Variants in CATSPERD observed in about 807,000 individuals in gnomAD.
CATSPERD encodes cation channel sperm-associated auxiliary subunit delta.
Under a neutral mutation model 98.1 loss-of-function variants are expected in CATSPERD, and 86 were observed. The observed-to-expected ratio is 0.88, with a 90% confidence interval of 0.74 to 1.05. CATSPERD has a LOEUF of 1.05. CATSPERD is among the 50% of genes least tolerant of loss of function. CATSPERD has a pLI of 0.00. For missense variants in CATSPERD, 995 were observed against 1,005.7 expected (o/e 0.99, Z 0.14); for synonymous variants, 394 against 390.2 (o/e 1.01, Z -0.12).
At chr19:5,756,954 AAAAT>A (rs1396372461) in intron 13 of CATSPERD, among the ~76,000 whole-genome samples, 1 of 148,628 alleles carries the variant, frequency 6.7e-6, no homozygotes, top group East Asian at 2.0e-4. Flanking sequence ...AAAAAAAATA[AAAAT>A]AAATAAATAG....
chr19:5,760,743 T>G (rs1247182645), intron 15 of CATSPERD, among the ~76,000 whole-genome samples: 1 of 151,894 alleles, frequency 6.6e-6, no homozygotes, highest in Non-Finnish European at 1.5e-5. Flanking sequence ...GATGGAAAAT[T>G]TGGGGCCCGG....
At chr19:5,774,208 C>T (rs886789785) in intron 20 of CATSPERD, among the ~76,000 whole-genome samples, 30 of 151,540 alleles carry the variant, frequency 2.0e-4, no homozygotes, top group Admixed American at 9.2e-4. Context: ...CCTTGTGATC[C>T]GCCCGCCTCG....
chr19:5,761,277 T>C (rs909591388), intron 15 of CATSPERD, among the ~76,000 whole-genome samples: 1 of 152,126 alleles, frequency 6.6e-6, no homozygotes, highest in East Asian at 1.9e-4. Flanking sequence ...AATTTCTGTA[T>C]TTTTACTAGA....
intron 1 of CATSPERD, among the ~76,000 whole-genome samples, chr19:5,722,238 C>T (rs964034981): frequency 6.6e-6 from 1 of 152,140 alleles, no homozygotes; most frequent in Admixed American, 6.6e-5. Flanking sequence ...TCTCCTGCCT[C>T]AGCCTCCAGA....
Position 5,739,443 on chromosome 19 carries a change from T to C in CATSPERD, c.573+4T>C. 1 of 1,422,990 alleles carries C rather than the reference T, an allele frequency of 7.0e-7. No individual in the cohort carries two copies. Among genetic ancestry groups the C allele is most frequent in the Non-Finnish European group, 9.7e-7 (1 of 1,026,846 alleles). 88.1% of individuals were successfully genotyped at this position (1,422,990 alleles called of 1,614,324 possible). On this transcript the variant is annotated splice_donor_region_variant and intron_variant, in intron 7 of 21. Coordinates refer to ENST00000381624, the MANE Select transcript of CATSPERD (RefSeq NM_152784.4). ...GAAGTATCACTATGACAGACAGGTATGTTAAATTTGGTAAGAATGTGAAAA... is the reference window on the plus strand; with the variant it reads ...GAAGTATCACTATGACAGACAGGTACGTTAAATTTGGTAAGAATGTGAAAA...
intron 7 of CATSPERD, among the ~76,000 whole-genome samples, chr19:5,739,650 G>A (rs1208613257): frequency 6.6e-6 from 1 of 151,440 alleles, no homozygotes; most frequent in African/African-American, 2.4e-5. Context: ...TGGGTGACAT[G>A]GCAAGACCCC....
Position 5,749,154 on chromosome 19 carries a change from C to T in CATSPERD, c.958C>T (p.Leu320=), listed in dbSNP as rs781101325. Residue 320 remains leucine (L), a synonymous_variant, in exon 11 of 22, where the codon CTG becomes TTG. Transcript: ENST00000381624. ...GGAGGATAATTTGTATTATGGCAAT[C>T]TGGGCATCGTGCCAAGTTCCATAAT... is the stretch of plus-strand genomic sequence containing the variant. ...TREDNLYYGN[L]GIVPSSIIKF... The T allele has an allele frequency of 1.2e-6, 2 of 1,612,746 alleles. No homozygotes were observed. Among genetic ancestry groups the T allele is most frequent in the East Asian group, 4.5e-5 (2 of 44,792 alleles).
In CATSPERD at chr19:5,737,249, TGAACACAAA is replaced by T. The variant is rs778308244; in HGVS notation, c.459+45_459+53del. On this transcript the variant is annotated intron_variant, in intron 6 of 21. Coordinates refer to ENST00000381624, the MANE Select transcript of CATSPERD (RefSeq NM_152784.4). ...TTGTTCATTTTTTTTTGCTCTCCTCTGAACACAAATAATCATGAGTAGACATAAAGGCTG... is the reference window on the plus strand; with the variant it reads ...TTGTTCATTTTTTTTTGCTCTCCTCTTAATCATGAGTAGACATAAAGGCTG... The T allele has an allele frequency of 1.7e-5, 23 of 1,315,306 alleles. No individual in the cohort carries two copies. In the South Asian group the frequency reaches 2.6e-4, roughly 15 times the overall value. 81.5% of individuals were successfully genotyped at this position (1,315,306 alleles called of 1,614,324 possible).
intron 15 of CATSPERD, among the ~76,000 whole-genome samples, chr19:5,761,017 A>C (rs887331803): frequency 2.1e-5 from 3 of 142,320 alleles, no homozygotes; most frequent in East Asian, 2.1e-4. Context: ...AGTTTTGTGA[A>C]GTTTTTTTTA....
intron 7 of CATSPERD, among the ~76,000 whole-genome samples, chr19:5,742,066 AC>A (rs983149913): frequency 6.6e-6 from 1 of 151,784 alleles, no homozygotes; most frequent in African/African-American, 2.4e-5. Flanking sequence ...AACAAAAAAA[AC>A]AAAAAAGGAA....
intron 5 of CATSPERD, among the ~76,000 whole-genome samples, chr19:5,734,703 G>A (rs1170029827): frequency 2.0e-5 from 3 of 151,862 alleles, no homozygotes; most frequent in Admixed American, 6.6e-5. Context: ...TCTGGAGCCC[G>A]AGGCAGGAGG....
chr19:5,740,448 G>A (rs1364007784), intron 7 of CATSPERD, among the ~76,000 whole-genome samples: 3 of 151,766 alleles, frequency 2.0e-5, no homozygotes, highest in East Asian at 1.9e-4. Flanking sequence ...TTAGCTGGGC[G>A]TGGTGCCTCA....
intron 14 of CATSPERD, among the ~76,000 whole-genome samples, 190 bp downstream of exon 14, chr19:5,758,122 C>A (rs903454882): frequency 6.6e-6 from 1 of 152,156 alleles, no homozygotes; most frequent in Admixed American, 6.6e-5. Flanking sequence ...CGGGAGAGAC[C>A]CGGATGGCAT....
intron 15 of CATSPERD, among the ~76,000 whole-genome samples, chr19:5,760,851 T>C (rs960143570): frequency 6.6e-6 from 1 of 151,494 alleles, no homozygotes; most frequent in African/African-American, 2.4e-5. Flanking sequence ...AGTTTCAGGT[T>C]GTAGTAAGTT....
At chr19:5,726,526 C>T (rs1468358698) in intron 2 of CATSPERD, among the ~76,000 whole-genome samples, 1 of 152,034 alleles carries the variant, frequency 6.6e-6, no homozygotes, top group Non-Finnish European at 1.5e-5. Context: ...GGACTACAGG[C>T]ATGCACTACC....
intron 2 of CATSPERD, among the ~76,000 whole-genome samples, chr19:5,725,142 C>A (rs998901460): frequency 6.6e-6 from 1 of 152,118 alleles, no homozygotes; most frequent in Non-Finnish European, 1.5e-5. Flanking sequence ...CTGTTTACTT[C>A]TCTCTCAGAT....
intron 13 of CATSPERD, among the ~76,000 whole-genome samples, chr19:5,755,892 G>T (rs1247957847): frequency 6.6e-6 from 1 of 151,676 alleles, no homozygotes; most frequent in Non-Finnish European, 1.5e-5. Flanking sequence ...GAGGCAGGAG[G>T]ATCACTTGAG....
intron 13 of CATSPERD, among the ~76,000 whole-genome samples, chr19:5,756,478 G>A (rs931243298): frequency 6.6e-6 from 1 of 152,072 alleles, no homozygotes; most frequent in Admixed American, 6.6e-5. Flanking sequence ...TCATCCACAT[G>A]TATTATCTAT....
At position 5,778,265 on chromosome 19, in the gene CATSPERD, T is replaced by C. The variant is rs1418995126; in HGVS notation, c.2097-111T>C. On this transcript the variant is annotated intron_variant, in intron 21 of 21. Coordinates refer to ENST00000381624, the MANE Select transcript of CATSPERD (RefSeq NM_152784.4). ...AACAGAAGTGGGTATACCCGGTCAC[T>C]GCTGTGGGCCTGGTTCTCCCTCCTG... 1.9e-5 allele frequency: 17 copies of C among 905,582 alleles called. No individual in the cohort carries two copies. In the South Asian group the frequency reaches 2.4e-4, roughly 13 times the overall value. The allele number at this position is 905,582 out of a possible 1,614,324, so 56.1% of individuals were successfully genotyped here. A position where few individuals can be genotyped will look rare whatever the true frequency, so the allele number is the denominator to read the frequency against.
Sources: allele counts gnomAD v4.1 joint callset (sites outside exome capture counted in the v4.1 genomes callset), GRCh38; gene constraint gnomAD v4.1.1; transcripts MANE v1.5; gene names NCBI Gene and HGNC (gene_info 2026-07-23, HGNC 2026-07-21).